Variants in KCND2 observed in about 807,000 individuals in gnomAD.
KCND2 encodes potassium voltage-gated channel subfamily D member 2, also known as A-type voltage-gated potassium channel KCND2.
In KCND2, 16 loss-of-function variants were observed where a neutral mutation model predicts 54.4. The ratio of observed to expected loss-of-function variants is 0.29; its 90% confidence interval spans 0.20 to 0.45. The LOEUF (loss-of-function observed/expected upper bound fraction) is 0.45. KCND2 is among the 20% of genes least tolerant of loss of function. KCND2 has a pLI of 1.00. For missense variants in KCND2, 486 were observed against 824.2 expected, an observed-to-expected ratio of 0.59 and a Z score of 5.02; for synonymous variants, 317 against 310.7, an observed-to-expected ratio of 1.02 and a Z score of -0.21.
At chr7:120,347,887 T>C (rs1215905786) in intron 1 of KCND2, among the ~76,000 whole-genome samples, 1 of 152,204 alleles carries the variant, frequency 6.6e-6, no homozygotes, top group Non-Finnish European at 1.5e-5. Flanking sequence ...GCTAGAAGTC[T>C]GAGATGAGGG....
chr7:120,680,448 G>A (rs1792125045), intron 1 of KCND2, among the ~76,000 whole-genome samples: 2 of 152,076 alleles, frequency 1.3e-5, no homozygotes, highest in South Asian at 4.1e-4. Context: ...ATAAAACCAG[G>A]CAGCATTCCT....
intron 1 of KCND2, among the ~76,000 whole-genome samples, chr7:120,670,282 T>C (rs1394838526): frequency 6.6e-6 from 1 of 152,148 alleles, no homozygotes; most frequent in Non-Finnish European, 1.5e-5. Flanking sequence ...AGACTTTGTT[T>C]TATAGGTCAA....
chr7:120,485,419 A>C (rs1802679095), intron 1 of KCND2, among the ~76,000 whole-genome samples: 1 of 152,200 alleles, frequency 6.6e-6, no homozygotes, highest in African/African-American at 2.4e-5. Flanking sequence ...CCATGGTAAC[A>C]TATCAAAGTT....
At chr7:120,697,915 C>A (rs766084732) in intron 1 of KCND2, among the ~76,000 whole-genome samples, 39 of 151,588 alleles carry the variant, frequency 2.6e-4, no homozygotes, top group Non-Finnish European at 4.4e-5. Flanking sequence ...GATTTTTAAA[C>A]ATCACATCAC....
At chr7:120,399,693 AT>A (rs1801215219) in intron 1 of KCND2, among the ~76,000 whole-genome samples, 1 of 148,732 alleles carries the variant, frequency 6.7e-6, no homozygotes, top group African/African-American at 2.5e-5. Context: ...AGCTAATTTT[AT>A]TTTTACCTTA....
intron 1 of KCND2, among the ~76,000 whole-genome samples, chr7:120,617,460 A>G (rs1355774350): frequency 6.6e-6 from 1 of 152,192 alleles, no homozygotes; most frequent in Non-Finnish European, 1.5e-5. Flanking sequence ...CACACCAGTC[A>G]GAAGGGCTAT....
intron 1 of KCND2, among the ~76,000 whole-genome samples, chr7:120,684,316 C>T (rs578026527): frequency 3.3e-5 from 5 of 151,898 alleles, no homozygotes; most frequent in South Asian, 2.1e-4. Context: ...ATCTAGTACA[C>T]GTAATTAGAA....
At chr7:120,497,197 A>G (rs1302962703) in intron 1 of KCND2, among the ~76,000 whole-genome samples, 1 of 152,226 alleles carries the variant, frequency 6.6e-6, no homozygotes, top group African/African-American at 2.4e-5. Flanking sequence ...TAATAAGCAC[A>G]TAAGAACACC....
rs987613536 is a variant in KCND2 at position 120,719,613 on chromosome 7, T to C, written c.1116-13290T>C. 3.3e-5 allele frequency among the ~76,000 whole-genome samples: 5 copies of C among 152,280 alleles called. 1 individual carries two copies. Among genetic ancestry groups the C allele is most frequent in the Admixed American group, 2.6e-4 (4 of 15,294 alleles). On this transcript the variant is annotated intron_variant, in intron 1 of 5. Transcript: ENST00000331113. ...TTAAACACAAGAATATTTTTCTTTATTTAAATTTATAACTAACAGCCAGGC... is the reference window on the plus strand; with the variant it reads ...TTAAACACAAGAATATTTTTCTTTACTTAAATTTATAACTAACAGCCAGGC...
chr7:120,593,509 C>T (rs1792696675), intron 1 of KCND2, among the ~76,000 whole-genome samples: 1 of 152,088 alleles, frequency 6.6e-6, no homozygotes, highest in Admixed American at 6.6e-5. Flanking sequence ...AAGCAGTTGA[C>T]TATGATAGGA....
At chr7:120,390,778 A>T (rs2116051118) in intron 1 of KCND2, among the ~76,000 whole-genome samples, 1 of 152,140 alleles carries the variant, frequency 6.6e-6, no homozygotes, top group South Asian at 2.1e-4. Context: ...TGGTTAATTT[A>T]AATTTAAAAT....
intron 1 of KCND2, among the ~76,000 whole-genome samples, chr7:120,499,439 A>G (rs1255216432): frequency 3.0e-4 from 46 of 152,090 alleles, no homozygotes; most frequent in Non-Finnish European, 2.9e-5. Flanking sequence ...ACAACAAGAC[A>G]TTTTATTTCT....
chr7:120,609,739 T>C (rs1792927452), intron 1 of KCND2, among the ~76,000 whole-genome samples: 1 of 152,174 alleles, frequency 6.6e-6, no homozygotes, highest in Admixed American at 6.6e-5. Context: ...CCCAGCTATG[T>C]AATTTTCAAA....
intron 1 of KCND2, among the ~76,000 whole-genome samples, chr7:120,394,222 C>T (rs1289290240): frequency 6.6e-6 from 1 of 151,764 alleles, no homozygotes; most frequent in Non-Finnish European, 1.5e-5. Flanking sequence ...CTCAGAAGTT[C>T]GGGTTTTTCA....
In KCND2 at chr7:120,657,067, T is replaced by TA. The variant is rs542055381; in HGVS notation, c.1116-75827dup. On this transcript the variant is annotated intron_variant, in intron 1 of 5. Transcript: ENST00000331113. ...AACAGAACTTGCCTTTTAAAGGGGG[T>TA]AAAAAAAAACAATTCTGTTTTGGGG... is the stretch of plus-strand genomic sequence containing the variant. Among the ~76,000 whole-genome samples the TA allele has an allele frequency of 9.2e-4, 139 of 150,322 alleles. 1 individual carries two copies. Among genetic ancestry groups the TA allele is most frequent in the Admixed American group, 6.3e-3 (95 of 15,054 alleles).
intron 1 of KCND2, among the ~76,000 whole-genome samples, chr7:120,329,023 G>T (rs1800022917): frequency 6.6e-6 from 1 of 151,460 alleles, no homozygotes; most frequent in African/African-American, 2.4e-5. Context: ...TCTTAATCTA[G>T]ATAATGGGCA....
intron 1 of KCND2, among the ~76,000 whole-genome samples, chr7:120,624,474 A>G (rs950495151): frequency 2.6e-5 from 4 of 152,154 alleles, no homozygotes; most frequent in African/African-American, 9.7e-5. Flanking sequence ...ACAGAAACAC[A>G]TGAAATTATT....
At position 120,274,281 on chromosome 7, in the gene KCND2, C is replaced by G; in HGVS notation, c.-352C>G. 2.4e-6 allele frequency: 1 copy of G among 415,356 alleles called. No individual in the cohort carries two copies. Among genetic ancestry groups the G allele is most frequent in the Non-Finnish European group, 4.4e-6 (1 of 225,176 alleles). The allele number at this position is 415,356 out of a possible 1,614,324, so 25.7% of individuals were successfully genotyped here. On this transcript the variant is annotated 5_prime_UTR_variant, in exon 1 of 6. Coordinates refer to ENST00000331113, the MANE Select transcript of KCND2 (RefSeq NM_012281.3). ...TGACCCTATATTATCCAGACTGTGC[C>G]GGGGAGAAATCAAAAACACCTGTTT...
chr7:120,633,984 T>C (rs1793271248), intron 1 of KCND2, among the ~76,000 whole-genome samples: 1 of 152,200 alleles, frequency 6.6e-6, no homozygotes, highest in East Asian at 1.9e-4. Context: ...AAAACAAATT[T>C]TGTCAAACAT....
Sources: allele counts gnomAD v4.1 joint callset (sites outside exome capture counted in the v4.1 genomes callset), GRCh38; gene constraint gnomAD v4.1.1; transcripts MANE v1.5; gene names NCBI Gene and HGNC (gene_info 2026-07-23, HGNC 2026-07-21).